The following UNC13B variants were observed in gnomAD, a reference collection of about 807,000 sequenced individuals.
UNC13B encodes the protein unc-13 homolog B.
A neutral mutation model predicts 211.0 loss-of-function variants in UNC13B; 144 were observed. The ratio of observed to expected loss-of-function variants is 0.68; its 90% CI spans 0.60 to 0.78. UNC13B has a LOEUF of 0.78. UNC13B is among the 30% of genes least tolerant of loss of function. UNC13B has a pLI of 0.00. For missense variants in UNC13B, 1,777 were observed against 2,002.0 expected (o/e 0.89, Z 2.14); for synonymous variants, 709 against 725.8 (o/e 0.98, Z 0.37).
At chr9:35,297,580 C>T (rs1451270364) in intron 8 of UNC13B, among the ~76,000 whole-genome samples, 4 of 77,296 alleles carry the variant, frequency 5.2e-5, no homozygotes, top group Non-Finnish European at 8.6e-5. Flanking sequence ...GACGGAGTCT[C>T]GCTCTTTCGC....
chr9:35,328,655 CCTTCCTT>C (rs1564139514), intron 11 of UNC13B, among the ~76,000 whole-genome samples: 16 of 108,680 alleles, frequency 1.5e-4, no homozygotes, highest in Admixed American at 7.9e-4. Flanking sequence ...TTCCTTCCTT[CCTTCCTT>C]CCTCCCTCCC....
At chr9:35,316,996 A>C (rs572307831) in intron 11 of UNC13B, among the ~76,000 whole-genome samples, 35 of 152,324 alleles carry the variant, frequency 2.3e-4, no homozygotes, top group African/African-American at 7.5e-4. Context: ...GTTAATAAAC[A>C]TTAAAAAACT....
intron 1 of UNC13B, among the ~76,000 whole-genome samples, chr9:35,192,369 T>G (rs11531752): frequency 1.3e-5 from 2 of 152,174 alleles, no homozygotes; most frequent in Non-Finnish European, 2.9e-5. Context: ...AGGAGACATA[T>G]TGTACATTTC....
intron 11 of UNC13B, chr9:35,351,504 C>T (rs1783233244): frequency 1.1e-5 from 14 of 1,232,040 alleles, no homozygotes; most frequent in Admixed American, 4.2e-5. Flanking sequence ...AAGCAGAGAA[C>T]CCCTCAAACC....
intron 11 of UNC13B, among the ~76,000 whole-genome samples, chr9:35,323,024 T>A (rs890332005): frequency 6.6e-6 from 1 of 151,666 alleles, no homozygotes; most frequent in Non-Finnish European, 1.5e-5. Flanking sequence ...TATTTATAAA[T>A]ATATAATGCA....
At chr9:35,397,336 C>T (rs371083233) in intron 29 of UNC13B, 26 bp downstream of exon 29, 7 of 1,610,226 alleles carry the variant, frequency 4.3e-6, no homozygotes, top group Non-Finnish European at 5.9e-6. Context: ...CCTACTCCCT[C>T]CCCCTTACCA....
rs1004351754 is a variant in UNC13B, at chr9:35,302,582, A to G, written c.3178A>G (p.Ile1060Val). The change falls in exon 9 of 40, where the codon ATA (isoleucine) becomes GTA (valine). Residue 1060 changes from isoleucine to valine, a missense_variant. Transcript: ENST00000635942. ...TAATGATCTGGGGAAATTTGGGAAT[A>G]TAGAGGAATTAAATCCAAGTGACCA... ...INNDLGKFGN[I>V]EELNPSDHTA... 18 of 398,530 alleles carry G rather than the reference A, an allele frequency of 4.5e-5. No individual in the cohort carries two copies. Among genetic ancestry groups the G allele is most frequent in the African/African-American group, 3.7e-4 (18 of 48,630 alleles). 24.7% of individuals were successfully genotyped at this position (398,530 alleles called of 1,614,324 possible). A position where few individuals can be genotyped will look rare whatever the true frequency, so the allele number is the denominator to read the frequency against.
chr9:35,393,861 G>T (rs778648934), intron 26 of UNC13B, among the ~76,000 whole-genome samples: 29 of 152,024 alleles, frequency 1.9e-4, no homozygotes, highest in Non-Finnish European at 3.1e-4. Flanking sequence ...GTGAGCCAAT[G>T]CATCCAGCTG....
rs368049476 is a variant in UNC13B, at chr9:35,343,966, A to G, written c.9415-22981A>G. On this transcript the variant is annotated intron_variant, in intron 11 of 39. Transcript: ENST00000635942. ...GCTATTGGGTTAGATAAAATATATT[A>G]AAATTAATTCTACCTGTTTCTTTTT... Among the ~76,000 whole-genome samples, 6 of 152,302 alleles carry G rather than the reference A, an allele frequency of 3.9e-5. No homozygotes were observed. The South Asian group carries it at 1.2e-3, about 32-fold the overall frequency.
rs905795734 is a variant in UNC13B, at chr9:35,276,815, C to T, written c.526+17765C>T. 3.9e-5 allele frequency among the ~76,000 whole-genome samples: 6 copies of T among 151,974 alleles called. 1 individual carries two copies. Among genetic ancestry groups the T allele is most frequent in the East Asian group, 3.8e-4 (2 of 5,200 alleles). ...AAAATGAGTCAAAAATTTAATTATG[C>T]GGTGTCTTTCAATGATAATTGTTTT... On this transcript the variant is annotated intron_variant, in intron 7 of 39. Transcript: ENST00000635942.
At chr9:35,385,029 T>C in intron 22 of UNC13B, 6 of 985,368 alleles carry the variant, frequency 6.1e-6, no homozygotes, top group Non-Finnish European at 7.2e-6. Context: ...GCACAAATAA[T>C]GGACAGCTGA....
intron 7 of UNC13B, among the ~76,000 whole-genome samples, chr9:35,269,300 A>G (rs910943242): frequency 2.0e-5 from 3 of 152,210 alleles, no homozygotes; most frequent in Admixed American, 6.5e-5. Context: ...AGGATATTTT[A>G]AAGGATACAA....
At chr9:35,208,360 G>A (rs773235618) in intron 1 of UNC13B, among the ~76,000 whole-genome samples, 2 of 152,088 alleles carry the variant, frequency 1.3e-5, no homozygotes, top group Non-Finnish European at 2.9e-5. Context: ...ATTAGGGAGG[G>A]GGCACAATCT....
At chr9:35,355,949 G>A (rs958573961) in intron 11 of UNC13B, among the ~76,000 whole-genome samples, 1 of 152,208 alleles carries the variant, frequency 6.6e-6, no homozygotes, top group Non-Finnish European at 1.5e-5. Context: ...AGCTTGCAGA[G>A]TTTCCTTTCT....
Position 35,162,183 on chromosome 9 carries a change from C to T in UNC13B, c.-101C>T, listed in dbSNP as rs1377492645. ...CGGGACCATGAGGAGCTGCCAGACC[C>T]GTGGGGCCGGTAACGAGAGCAGTCG... On this transcript the variant is annotated 5_prime_UTR_variant, in exon 1 of 40. Transcript: ENST00000635942. The T allele has an allele frequency of 2.6e-6, 4 of 1,512,428 alleles. No individual in the cohort carries two copies. Among genetic ancestry groups the T allele is most frequent in the African/African-American group, 2.8e-5 (2 of 72,382 alleles). 93.7% of individuals were successfully genotyped at this position (1,512,428 alleles called of 1,614,324 possible).
At chr9:35,354,500 C>T (rs1462900774) in intron 11 of UNC13B, among the ~76,000 whole-genome samples, 1 of 152,150 alleles carries the variant, frequency 6.6e-6, no homozygotes, top group African/African-American at 2.4e-5. Flanking sequence ...TTTCTTCCAT[C>T]TCCCCCTAAA....
At chr9:35,246,477 A>G (rs552974034) in intron 6 of UNC13B, among the ~76,000 whole-genome samples, 3,884 of 151,906 alleles carry the variant, frequency 0.026, 148 homozygotes, top group African/African-American at 0.089. Context: ...GGTTTTTATG[A>G]TTTTAGGTCT....
intron 5 of UNC13B, among the ~76,000 whole-genome samples, chr9:35,238,498 T>C (rs1479589428): frequency 6.6e-6 from 1 of 152,196 alleles, no homozygotes; most frequent in African/African-American, 2.4e-5. Flanking sequence ...TCGCTCCATG[T>C]TATACTTTAA....
rs1024205828 is a variant in UNC13B at position 35,397,618 on chromosome 9, C to T, written c.11677-17C>T. On this transcript the variant is annotated splice_polypyrimidine_tract_variant and intron_variant, in intron 29 of 39. Transcript: ENST00000635942. ...TAAGAGTTCCCTTTCCTTTTCTTTCCTTTCTCCTCTTCTCAGACCATCGGG... is the reference window on the plus strand; with the variant it reads ...TAAGAGTTCCCTTTCCTTTTCTTTCTTTTCTCCTCTTCTCAGACCATCGGG... The T allele has an allele frequency of 2.5e-6, 4 of 1,608,730 alleles. No individual in the cohort carries two copies. In the African/African-American group the frequency reaches 4.0e-5, roughly 16 times the overall value.
Sources: allele counts gnomAD v4.1 joint callset (sites outside exome capture counted in the v4.1 genomes callset), GRCh38; gene constraint gnomAD v4.1.1; transcripts MANE v1.5; gene names NCBI Gene and HGNC (gene_info 2026-07-23, HGNC 2026-07-21).